The following NTM variants were observed in gnomAD, a reference collection of about 807,000 sequenced individuals.
NTM encodes neurotrimin.
Under a neutral mutation model 42.1 loss-of-function variants are expected in NTM, and 13 were observed. That is an observed-to-expected ratio of 0.31 (90% CI 0.20 to 0.49). The LOEUF (loss-of-function observed/expected upper bound fraction) is 0.49, where lower values mean the gene tolerates loss of function less well. NTM is among the 20% of genes least tolerant of loss of function. The pLI, the probability that NTM is intolerant of heterozygous loss-of-function variation, is 0.99. For missense variants in NTM, 373 were observed against 452.8 expected (o/e 0.82, Z 1.60); for synonymous variants, 187 against 179.2 (o/e 1.04, Z -0.35).
intron 4 of NTM, among the ~76,000 whole-genome samples, chr11:132,240,843 G>A (rs1304748534): frequency 6.6e-6 from 1 of 152,158 alleles, no homozygotes; most frequent in Non-Finnish European, 1.5e-5. Context: ...AAATATTGTG[G>A]CTGGGGAAAT....
At chr11:131,564,193 A>C (rs1448820479) in intron 1 of NTM, among the ~76,000 whole-genome samples, 1 of 152,256 alleles carries the variant, frequency 6.6e-6, no homozygotes, top group African/African-American at 2.4e-5. Context: ...CTGACTAACC[A>C]TGAGGTCCTT....
At chr11:131,554,306 T>C (rs1296800440) in intron 1 of NTM, among the ~76,000 whole-genome samples, 1 of 152,192 alleles carries the variant, frequency 6.6e-6, no homozygotes, top group Non-Finnish European at 1.5e-5. Context: ...GACTAAATGA[T>C]TTCAGTGATG....
chr11:131,945,450 T>G (rs544166), intron 2 of NTM, among the ~76,000 whole-genome samples: 50,713 of 151,984 alleles, frequency 0.33, 8,882 homozygotes, highest in South Asian at 0.53. Context: ...CCTTGACTTT[T>G]TTTCTGGTCC....
chr11:132,195,241 A>G (rs1166108433), intron 3 of NTM, among the ~76,000 whole-genome samples: 1 of 152,150 alleles, frequency 6.6e-6, no homozygotes. Flanking sequence ...TCTAACCAAG[A>G]AGGTAAAAAA....
chr11:132,235,839 G>T (rs528368783), intron 4 of NTM, among the ~76,000 whole-genome samples: 3 of 152,288 alleles, frequency 2.0e-5, no homozygotes, highest in South Asian at 2.1e-4. Flanking sequence ...GAACAATGTG[G>T]TGTTTTTGAC....
intron 4 of NTM, among the ~76,000 whole-genome samples, chr11:132,293,434 G>A (rs1178578379): frequency 6.6e-6 from 1 of 152,300 alleles, no homozygotes; most frequent in East Asian, 1.9e-4. Context: ...CCAAGAATTG[G>A]ATGCTGTCAG....
At chr11:131,487,898 A>G (rs923321053) in intron 1 of NTM, among the ~76,000 whole-genome samples, 8 of 152,200 alleles carry the variant, frequency 5.3e-5, no homozygotes, top group African/African-American at 1.9e-4. Context: ...TTGTTCAGGC[A>G]TTTGCCAAGT....
intron 1 of NTM, among the ~76,000 whole-genome samples, chr11:131,691,304 G>A (rs573749024): frequency 6.6e-6 from 1 of 152,220 alleles, no homozygotes; most frequent in Non-Finnish European, 1.5e-5. Flanking sequence ...GCGGCCGGGG[G>A]CCGCGGGGAG....
chr11:131,551,355 GA>G (rs2054636149), intron 1 of NTM, among the ~76,000 whole-genome samples: 1 of 150,338 alleles, frequency 6.7e-6, no homozygotes, highest in African/African-American at 2.5e-5. Context: ...GTAAGCAAAA[GA>G]AGAAGAATGG....
At chr11:132,134,040 A>C (rs746246406) in intron 2 of NTM, among the ~76,000 whole-genome samples, 21 of 152,182 alleles carry the variant, frequency 1.4e-4, no homozygotes, top group Non-Finnish European at 2.8e-4. Context: ...AATTTTAAAC[A>C]GTCTCACTCT....
chr11:131,910,602 G>A (rs1395280250), intron 1 of NTM, among the ~76,000 whole-genome samples: 1 of 150,840 alleles, frequency 6.6e-6, no homozygotes, highest in East Asian at 1.9e-4. Flanking sequence ...GGCGGTCGGG[G>A]CCCGCGCGCG....
At position 131,609,452 on chromosome 11, in the gene NTM, A is replaced by G. The variant is rs111863449; in HGVS notation, c.82+238564A>G. Among the ~76,000 whole-genome samples the G allele has an allele frequency of 6.6e-5, 10 of 152,318 alleles. 1 individual carries two copies. The highest frequency in any genetic ancestry group is 2.4e-4 in the African/African-American group (10 of 41,572). ...CACTCAGTAGTGGAAGCTGTGACCTAAGCCTTCTCCATCTCTTATTTCAAT... is the reference window on the plus strand; with the variant it reads ...CACTCAGTAGTGGAAGCTGTGACCTGAGCCTTCTCCATCTCTTATTTCAAT... On this transcript the variant is annotated intron_variant, in intron 1 of 8. Coordinates refer to ENST00000683400, the MANE Select transcript of NTM (RefSeq NM_001352005.2).
intron 1 of NTM, among the ~76,000 whole-genome samples, chr11:131,899,440 G>A (rs1053631279): frequency 1.3e-5 from 2 of 152,186 alleles, no homozygotes; most frequent in African/African-American, 2.4e-5. Context: ...ATGTAGGGGT[G>A]AGAGAAGGGC....
intron 1 of NTM, among the ~76,000 whole-genome samples, chr11:131,416,969 T>C (rs936941676): frequency 9.2e-5 from 14 of 152,220 alleles, no homozygotes; most frequent in Non-Finnish European, 4.4e-5. Flanking sequence ...TATTAGCACG[T>C]AACCTTGGGG....
chr11:131,598,873 C>T (rs796388523), intron 1 of NTM, among the ~76,000 whole-genome samples: 1,449 of 22,856 alleles, frequency 0.063, 86 homozygotes, highest in East Asian at 0.16. Flanking sequence ...TCCTTCCTTC[C>T]TTCTTCCTTC....
chr11:131,550,863 C>T (rs1355027130), intron 1 of NTM, among the ~76,000 whole-genome samples: 1 of 152,046 alleles, frequency 6.6e-6, no homozygotes, highest in African/African-American at 2.4e-5. Context: ...AAAAAACAGC[C>T]CTTAACAGAC....
chr11:132,068,516 G>A (rs780442308), intron 2 of NTM, among the ~76,000 whole-genome samples: 1 of 152,166 alleles, frequency 6.6e-6, no homozygotes, highest in Non-Finnish European at 1.5e-5. Context: ...GGATTCGCTG[G>A]TAAAGACAAT....
chr11:131,709,764 TC>T (rs1453855564), intron 1 of NTM, among the ~76,000 whole-genome samples: 1 of 152,036 alleles, frequency 6.6e-6, no homozygotes, highest in Non-Finnish European at 1.5e-5. Flanking sequence ...TTGAATAAGA[TC>T]CTAAAATGGA....
chr11:131,439,999 A>C (rs1386842949), intron 1 of NTM, among the ~76,000 whole-genome samples: 1 of 139,998 alleles, frequency 7.1e-6, no homozygotes, highest in East Asian at 2.1e-4. Flanking sequence ...CTCTTCTATC[A>C]GTTTTGAAAA....
Sources: gnomAD v4.1 joint callset for allele counts (sites outside exome capture counted in the v4.1 genomes callset) on GRCh38, gnomAD v4.1.1 for gene constraint, MANE v1.5 for transcripts, NCBI Gene and HGNC (gene_info 2026-07-23, HGNC 2026-07-21) for gene names.